MAGT1: variants seen among roughly 807,000 people sequenced by gnomAD.
The protein encoded by MAGT1 is dolichyl-diphosphooligosaccharide--protein glycosyltransferase subunit MAGT1.
MAGT1 carries 4 observed loss-of-function variants against 28.4 expected under a neutral mutation model. The ratio of observed to expected loss-of-function variants is 0.14; its 90% CI spans 0.07 to 0.32. MAGT1 has a LOEUF of 0.32. Among genes scored for constraint, MAGT1 ranks in the 10% least tolerant of loss-of-function variants. The pLI is 1.00. For missense variants in MAGT1, 193 were observed against 264.5 expected, an observed-to-expected ratio of 0.73 and a Z score of 1.88; for synonymous variants, 89 against 89.7, an observed-to-expected ratio of 0.99 and a Z score of 0.04.
chrX:77,861,156 G>T (rs2076993889), intron 3 of MAGT1, among the ~76,000 whole-genome samples: 1 of 108,137 alleles, frequency 9.2e-6, no homozygotes, highest in African/African-American at 3.4e-5. Flanking sequence ...TCCAGTCTGG[G>T]CAACAAGAGT....
chrX:77,851,222 T>G (rs2076967159), intron 7 of MAGT1, among the ~76,000 whole-genome samples: 1 of 110,435 alleles, frequency 9.1e-6, no homozygotes, highest in African/African-American at 3.3e-5. Context: ...GTCTTTCTTT[T>G]TTTTTCTTTT....
At chrX:77,871,774 G>A (rs977342832) in intron 2 of MAGT1, among the ~76,000 whole-genome samples, 3 of 108,125 alleles carry the variant, frequency 2.8e-5, no homozygotes, top group East Asian at 3.0e-4. Context: ...TCCGGGAGGC[G>A]GAGATTGCAG....
At chrX:77,853,057 T>A (rs1557215667) in intron 7 of MAGT1, among the ~76,000 whole-genome samples, 1 of 112,207 alleles carries the variant, frequency 8.9e-6, no homozygotes, top group African/African-American at 3.2e-5. Flanking sequence ...CTTACTTATC[T>A]GACATCGCTT....
chrX:77,839,121 G>C (rs2076927831), intron 8 of MAGT1, among the ~76,000 whole-genome samples: 1 of 108,113 alleles, frequency 9.2e-6, no homozygotes, highest in Non-Finnish European at 1.9e-5. Flanking sequence ...GGCTAACACA[G>C]TGAAACCTCA....
At chrX:77,848,805 G>A (rs1557215240) in intron 7 of MAGT1, among the ~76,000 whole-genome samples, 1 of 110,798 alleles carries the variant, frequency 9.0e-6, no homozygotes, top group African/African-American at 3.3e-5. Context: ...TTGAGCCCAG[G>A]AGATTGAGAC....
chrX:77,895,525 C>A, upstream of MAGT1: 3 of 1,145,749 alleles, frequency 2.6e-6, no homozygotes, highest in Middle Eastern at 8.2e-4. Flanking sequence ...CTCAGCCCTG[C>A]CGGGAGACCC....
At chrX:77,883,391 G>T (rs1380894078) in intron 1 of MAGT1, among the ~76,000 whole-genome samples, 2 of 107,002 alleles carry the variant, frequency 1.9e-5, no homozygotes, top group African/African-American at 6.8e-5. Flanking sequence ...TTTATTAACA[G>T]ACTAGAAAGA....
chrX:77,886,285 G>C (rs781828630), intron 1 of MAGT1, among the ~76,000 whole-genome samples: 1 of 111,535 alleles, frequency 9.0e-6, no homozygotes, highest in Non-Finnish European at 1.9e-5. Flanking sequence ...TATCATAATG[G>C]ATAATAAACT....
intron 2 of MAGT1, among the ~76,000 whole-genome samples, chrX:77,873,326 C>T (rs1557217463): frequency 8.9e-6 from 1 of 112,048 alleles, no homozygotes; most frequent in Non-Finnish European, 1.9e-5. Context: ...AACAAGCTGT[C>T]TATTCCTTTG....
intron 8 of MAGT1, among the ~76,000 whole-genome samples, chrX:77,832,477 C>T (rs1236431440): frequency 9.0e-6 from 1 of 111,233 alleles, no homozygotes; most frequent in Non-Finnish European, 1.9e-5. Flanking sequence ...TGTTGGGCCG[C>T]ATGTGGCCCA....
In MAGT1 at chrX:77,846,876, G is replaced by A. The variant is rs782257430; in HGVS notation, c.827-5556C>T. ...ATGCCTCCCAGTTAGGCTACTTGGG[G>A]GTCAGGGACCCACTTAAGGAGGCAG... On this transcript the variant is annotated intron_variant, in intron 7 of 9. Coordinates refer to ENST00000618282, the MANE Select transcript of MAGT1 (RefSeq NM_001367916.1). Among the ~76,000 whole-genome samples, 4 of 111,984 alleles carry A rather than the reference G, an allele frequency of 3.6e-5. No homozygotes were observed. In the Admixed American group the frequency reaches 3.8e-4, roughly 11 times the overall value.
At chrX:77,877,727 C>T (rs5912489) in intron 1 of MAGT1, among the ~76,000 whole-genome samples, 54,449 of 105,606 alleles carry the variant, frequency 0.52, 12,827 homozygotes, top group Non-Finnish European at 0.68. Flanking sequence ...GCAGGAGAAT[C>T]GCTTGAACCT....
rs184565620 is a variant in MAGT1 at position 77,832,552 on chromosome X, C to T, written c.902-1657G>A. On this transcript the variant is annotated intron_variant, in intron 8 of 9. Transcript: ENST00000618282. ...ACTGATAAGAAAATCAATTTTCGGC[C>T]GGGCGCTGTGGCTCATGCCTGTAAC... is the stretch of plus-strand genomic sequence containing the variant. Among the ~76,000 whole-genome samples the T allele has an allele frequency of 3.5e-3, 384 of 111,055 alleles. 2 individuals are homozygous for T. The highest frequency in any genetic ancestry group is 0.012 in the African/African-American group (358 of 30,658).
chrX:77,847,611 T>C (rs2076955664), intron 7 of MAGT1, among the ~76,000 whole-genome samples: 1 of 101,115 alleles, frequency 9.9e-6, no homozygotes, highest in Admixed American at 1.1e-4. Context: ...ATTTCTTTCT[T>C]TTTTTTTTTT....
intron 1 of MAGT1, among the ~76,000 whole-genome samples, chrX:77,881,184 C>A (rs1373554004): frequency 6.3e-5 from 7 of 110,521 alleles, no homozygotes; most frequent in Non-Finnish European, 1.3e-4. Flanking sequence ...TCTCAGAGCA[C>A]AGAAAATATG....
At chrX:77,834,448 C>T (rs1454228956) in intron 8 of MAGT1, among the ~76,000 whole-genome samples, 1 of 107,773 alleles carries the variant, frequency 9.3e-6, no homozygotes, top group Non-Finnish European at 1.9e-5. Flanking sequence ...ATCCTCCTGC[C>T]TCAGCCTCCC....
intron 7 of MAGT1, among the ~76,000 whole-genome samples, chrX:77,850,638 T>C (rs781987802): frequency 9.0e-6 from 1 of 111,126 alleles, no homozygotes; most frequent in African/African-American, 3.3e-5. Context: ...ACTTTTTGCA[T>C]CCTAATAACC....
At chrX:77,840,068 T>C (rs1045671834) in intron 8 of MAGT1, among the ~76,000 whole-genome samples, 15 of 110,581 alleles carry the variant, frequency 1.4e-4, no homozygotes, top group Non-Finnish European at 1.7e-4. Context: ...CACACAGTTA[T>C]TCTTCTTCTA....
rs782379675 is a variant in MAGT1 at position 77,828,767 on chromosome X, T to C, written c.*453A>G. On this transcript the variant is annotated 3_prime_UTR_variant, in exon 10 of 10. Coordinates refer to ENST00000618282, the MANE Select transcript of MAGT1 (RefSeq NM_001367916.1). ...TAAAGTATACACATCCACACAAAGA[T>C]GAAGAAGCTAAGAATGAATTCCTAA... 8.1e-6 allele frequency: 1 copy of C among 123,454 alleles called. No homozygotes were observed. Among genetic ancestry groups the C allele is most frequent in the South Asian group, 2.8e-4 (1 of 3,542 alleles). 10.2% of individuals were successfully genotyped at this position (123,454 alleles called of 1,213,427 possible).
Sources: gnomAD v4.1 joint callset for allele counts (sites outside exome capture counted in the v4.1 genomes callset) on GRCh38, gnomAD v4.1.1 for gene constraint, MANE v1.5 for transcripts, NCBI Gene and HGNC (gene_info 2026-07-23, HGNC 2026-07-21) for gene names.